MLXIP: variants seen among roughly 807,000 people sequenced by gnomAD.
MLXIP encodes the protein MLX-interacting protein.
MLXIP carries 30 observed loss-of-function variants against 87.2 expected under a neutral mutation model. The ratio of observed to expected loss-of-function variants is 0.34; its 90% CI spans 0.26 to 0.47. MLXIP has a LOEUF of 0.47. Ranked by LOEUF, MLXIP falls within the 20% of genes least tolerant of loss-of-function variation. The pLI, the probability that MLXIP is intolerant of heterozygous loss-of-function variation, is 1.00. For synonymous variants in MLXIP, 530 were observed against 514.0 expected, an observed-to-expected ratio of 1.03 and a Z score of -0.42; for missense variants, 1,002 against 1,240.1, an observed-to-expected ratio of 0.81 and a Z score of 2.88.
chr12:122,135,601 C>T lies in MLXIP; in HGVS notation c.1967C>T (p.Pro656Leu). 6.3e-7 allele frequency: 1 copy of T among 1,582,870 alleles called. No individual in the cohort carries two copies. The highest frequency in any genetic ancestry group is 8.6e-7 in the Non-Finnish European group (1 of 1,165,914). ...SRLFPSTAQD[P>L]LGKGEQVPLH... The stretch of plus-strand genomic sequence containing the variant: ...CTCTTCCCAAGCACAGCGCAAGACC[C>T]CCTGGGGAAGGGCGAGCAGGTCCCG... Residue 656 changes from proline (P) to leucine (L), a missense_variant, in exon 11 of 17, where the codon CCC (proline) becomes CTC (leucine). Pro to Leu is a moderately conservative substitution (Grantham distance 98). Coordinates refer to ENST00000319080, the MANE Select transcript of MLXIP (RefSeq NM_014938.6). This position sits in a 1 kb window ranked among gnomAD's most constrained non-coding sequence, Gnocchi z 5.3.
chr12:122,128,003 A>T, intron 3 of MLXIP, 35 bp downstream of exon 3: 1 of 1,572,192 alleles, frequency 6.4e-7, no homozygotes, highest in Non-Finnish European at 8.7e-7. Flanking sequence ...CTGAGAGTGG[A>T]AACATACCAG....
intron 1 of MLXIP, among the ~76,000 whole-genome samples, chr12:122,115,027 G>A (rs941119425): frequency 2.0e-5 from 3 of 151,804 alleles, no homozygotes; most frequent in South Asian, 2.1e-4. Context: ...GATTACAATC[G>A]TGAGCCACCG....
intron 1 of MLXIP, among the ~76,000 whole-genome samples, chr12:122,085,360 A>G (rs1952152390): frequency 6.6e-6 from 1 of 152,108 alleles, no homozygotes; most frequent in African/African-American, 2.4e-5. Flanking sequence ...ATGGATTGAA[A>G]GGGACACTCA....
At chr12:122,134,124 T>C in intron 9 of MLXIP, 137 bp downstream of exon 9, 1 of 1,037,890 alleles carries the variant, frequency 9.6e-7, no homozygotes, top group East Asian at 2.7e-5. Context: ...TACACTTAAA[T>C]GAAACAAAAG....
intron 1 of MLXIP, among the ~76,000 whole-genome samples, chr12:122,088,545 T>C (rs1952200870): frequency 6.6e-6 from 1 of 152,114 alleles, no homozygotes; most frequent in Non-Finnish European, 1.5e-5. Flanking sequence ...GAGGAAAGGC[T>C]GAGGAGTCAG....
rs185398379 is a variant in MLXIP at position 122,146,980 on chromosome 12, T to G, written c.*5168T>G. 44 of 152,362 alleles carry G rather than the reference T, an allele frequency of 2.9e-4. No homozygotes were observed. The highest frequency in any genetic ancestry group is 2.7e-3 in the Admixed American group (41 of 15,304). The allele number at this position is 152,362 out of a possible 1,614,324, so 9.4% of individuals were successfully genotyped here. A position where few individuals can be genotyped will look rare whatever the true frequency, so the allele number is the denominator to read the frequency against. On this transcript the variant is annotated 3_prime_UTR_variant, in exon 17 of 17. Coordinates refer to ENST00000319080, the MANE Select transcript of MLXIP (RefSeq NM_014938.6). Reference sequence around the variant, plus strand: ...GCCCCCTTTTCTCTAGCCGAATCTTTTTCGAACAGCCCGGGAAAGGAAAAC... The same window carrying G: ...GCCCCCTTTTCTCTAGCCGAATCTTGTTCGAACAGCCCGGGAAAGGAAAAC...
Position 122,142,427 on chromosome 12 carries a change from C to A in MLXIP, c.*615C>A. On this transcript the variant is annotated 3_prime_UTR_variant, in exon 17 of 17. Coordinates refer to ENST00000319080, the MANE Select transcript of MLXIP (RefSeq NM_014938.6). ...AGAGGTCCTCCAGGACACATGTGTG[C>A]AGAAACGGTGGATGTGGAACACACA... 2.3e-6 allele frequency: 1 copy of A among 428,136 alleles called. No individual in the cohort carries two copies. The highest frequency in any genetic ancestry group is 1.8e-5 in the South Asian group (1 of 54,772). 26.5% of individuals were successfully genotyped at this position (428,136 alleles called of 1,614,324 possible).
At chr12:122,098,115 G>A (rs1473121723) in intron 1 of MLXIP, among the ~76,000 whole-genome samples, 1 of 152,268 alleles carries the variant, frequency 6.6e-6, no homozygotes, top group African/African-American at 2.4e-5. Context: ...ATCTTTGTTT[G>A]TGTGCTTGTT....
At chr12:122,134,979 A>C in intron 9 of MLXIP, 2 of 424,014 alleles carry the variant, frequency 4.7e-6, no homozygotes, top group Non-Finnish European at 4.3e-6. Flanking sequence ...CAGCCTCTCT[A>C]TCTTTTTTTT....
intron 1 of MLXIP, among the ~76,000 whole-genome samples, chr12:122,113,604 TAGTC>T (rs1273301932): frequency 6.6e-6 from 1 of 151,686 alleles, no homozygotes; most frequent in Non-Finnish European, 1.5e-5. Flanking sequence ...TATACATACA[TAGTC>T]AGATGAATAT....
At chr12:122,103,199 GTATTTATTTATTTATTTATTTATT>G (rs754355713) in intron 1 of MLXIP, among the ~76,000 whole-genome samples, 4 of 93,766 alleles carry the variant, frequency 4.3e-5, no homozygotes, top group Admixed American at 2.0e-4. Flanking sequence ...ATGTATGTAT[GTATTTATTTATTTATTTATTTATT>G]TATTTATTTA....
At chr12:122,118,510 C>T (rs529629943) in intron 1 of MLXIP, among the ~76,000 whole-genome samples, 1 of 152,272 alleles carries the variant, frequency 6.6e-6, no homozygotes, top group South Asian at 2.1e-4. Context: ...TTTTCTCCTC[C>T]CTCCTCTCCT....
intron 16 of MLXIP, 148 bp from the exon 17 acceptor site, chr12:122,141,543 G>C: frequency 1.6e-6 from 2 of 1,279,650 alleles, no homozygotes; most frequent in South Asian, 1.7e-5. Context: ...TCTCGGTGTC[G>C]GCCCCTGGCA....
At chr12:122,103,679 C>T (rs1952474144) in intron 1 of MLXIP, among the ~76,000 whole-genome samples, 1 of 151,474 alleles carries the variant, frequency 6.6e-6, no homozygotes, top group African/African-American at 2.4e-5. Context: ...ACCACCACAC[C>T]TGGCTAATTT....
intron 8 of MLXIP, chr12:122,132,854 C>T (rs1953005193): frequency 5.8e-6 from 1 of 170,972 alleles, no homozygotes; most frequent in Non-Finnish European, 1.2e-5. Flanking sequence ...CACTGGTAAC[C>T]TGGCACCATC....
chr12:122,091,828 C>G (rs919581136), intron 1 of MLXIP, among the ~76,000 whole-genome samples: 13 of 152,160 alleles, frequency 8.5e-5, no homozygotes, highest in Non-Finnish European at 1.5e-4. Context: ...CATCACTTAA[C>G]TTCAGGTGAT....
chr12:122,141,668 G>A (rs1398904219), intron 16 of MLXIP, 23 bp from the exon 17 acceptor site: 2 of 1,612,200 alleles, frequency 1.2e-6, no homozygotes, highest in South Asian at 2.2e-5. Flanking sequence ...CACTGCCTGT[G>A]TCTGACCCTT....
chr12:122,117,180 C>T (rs1247690901), intron 1 of MLXIP, among the ~76,000 whole-genome samples: 7 of 152,232 alleles, frequency 4.6e-5, no homozygotes, highest in Admixed American at 2.6e-4. Context: ...CCACAGCCCT[C>T]GGATCCTACT....
chr12:122,091,894 CTG>C (rs1261538532), intron 1 of MLXIP, among the ~76,000 whole-genome samples: 2 of 152,256 alleles, frequency 1.3e-5, no homozygotes, highest in Non-Finnish European at 2.9e-5. Flanking sequence ...ATTTGAAAAA[CTG>C]GAGGAAATCT....
Sources: gnomAD v4.1 joint callset for allele counts (sites outside exome capture counted in the v4.1 genomes callset) on GRCh38, gnomAD v4.1.1 for gene constraint, Gnocchi (gnomAD v3.1) non-coding constraint, MANE v1.5 for transcripts, NCBI Gene and HGNC (gene_info 2026-07-23, HGNC 2026-07-21) for gene names.